The following MACROD2 variants were observed in gnomAD, a reference collection of about 807,000 sequenced individuals.
MACROD2 encodes mono-ADP ribosylhydrolase 2, also known as ADP-ribose glycohydrolase MACROD2.
MACROD2 carries 36 observed loss-of-function variants against 70.4 expected under a neutral mutation model. The observed-to-expected ratio is 0.51, with a 90% CI of 0.39 to 0.68. The LOEUF is 0.68. MACROD2 is among the 30% of genes least tolerant of loss of function. MACROD2 has a pLI of 0.00. For synonymous variants in MACROD2, 172 were observed against 178.8 expected (o/e 0.96, Z 0.30); for missense variants, 496 against 538.4 (o/e 0.92, Z 0.78).
At chr20:15,136,187 TC>T (rs2076146387) in intron 5 of MACROD2, among the ~76,000 whole-genome samples, 1 of 149,218 alleles carries the variant, frequency 6.7e-6, no homozygotes, top group Non-Finnish European at 1.5e-5. Context: ...CCAATGACTT[TC>T]TTCACAGAAT....
intron 6 of MACROD2, among the ~76,000 whole-genome samples, chr20:15,277,230 C>T (rs1316980170): frequency 6.6e-6 from 1 of 152,180 alleles, no homozygotes. Flanking sequence ...ACAGTTTCTT[C>T]CTATATGATT....
At chr20:15,815,235 C>T (rs112793206) in intron 8 of MACROD2, among the ~76,000 whole-genome samples, 12 of 152,218 alleles carry the variant, frequency 7.9e-5, no homozygotes, top group East Asian at 1.9e-4. Flanking sequence ...AAGTGCAGCA[C>T]GGTGAGAGCT....
chr20:14,185,289 A>G (rs914022455), intron 3 of MACROD2, among the ~76,000 whole-genome samples: 1 of 152,092 alleles, frequency 6.6e-6, no homozygotes, highest in African/African-American at 2.4e-5. Flanking sequence ...TAAAGTTTTT[A>G]TATGTTCTGA....
At chr20:15,798,211 A>T (rs1223697037) in intron 8 of MACROD2, among the ~76,000 whole-genome samples, 1 of 152,218 alleles carries the variant, frequency 6.6e-6, no homozygotes, top group East Asian at 1.9e-4. Context: ...ATGAAAGAGC[A>T]CAGTGGGGAT....
chr20:14,386,062 G>GCCATCAC (rs1939778077), intron 3 of MACROD2, among the ~76,000 whole-genome samples: 9 of 152,164 alleles, frequency 5.9e-5, no homozygotes, highest in Admixed American at 5.9e-4. Context: ...GAGGCCCTTT[G>GCCATCAC]TTAAATGCAC....
intron 5 of MACROD2, among the ~76,000 whole-genome samples, chr20:15,016,430 C>A (rs541119718): frequency 6.6e-6 from 1 of 152,224 alleles, no homozygotes; most frequent in African/African-American, 2.4e-5. Flanking sequence ...CCCTCCAAAT[C>A]TCATGTTGGA....
In MACROD2 at chr20:15,321,193, T is replaced by A. The variant is rs938649794; in HGVS notation, c.540+91132T>A. Among the ~76,000 whole-genome samples, 8 of 120,402 alleles carry A rather than the reference T, an allele frequency of 6.6e-5. 1 individual carries two copies. Among genetic ancestry groups the A allele is most frequent in the Non-Finnish European group, 1.6e-4 (8 of 50,208 alleles). The allele number at this position is 120,402 out of a possible 152,430, so 79.0% of individuals were successfully genotyped here. A position where few individuals can be genotyped will look rare whatever the true frequency, so the allele number is the denominator to read the frequency against. On this transcript the variant is annotated intron_variant, in intron 6 of 17. Transcript: ENST00000684519. ...AGTGAGCAGAATTCTTTCTGGACTCTGTTCCTGCTTGTTCTTTTTTTCTTT... is the reference window on the plus strand; with the variant it reads ...AGTGAGCAGAATTCTTTCTGGACTCAGTTCCTGCTTGTTCTTTTTTTCTTT...
At chr20:15,975,163 T>C (rs2066287347) in intron 13 of MACROD2, among the ~76,000 whole-genome samples, 1 of 152,154 alleles carries the variant, frequency 6.6e-6, no homozygotes, top group Non-Finnish European at 1.5e-5. Context: ...CCTATCTCTT[T>C]ATTATATAAA....
intron 5 of MACROD2, among the ~76,000 whole-genome samples, chr20:14,878,414 A>G (rs965545025): frequency 3.9e-5 from 6 of 152,120 alleles, no homozygotes; most frequent in African/African-American, 1.2e-4. Context: ...TTTTTTTGTT[A>G]GGGAGTCTAT....
rs528721793 is a variant in MACROD2, at chr20:15,956,596, G to C, written c.908-10957G>C. Among the ~76,000 whole-genome samples, 4 of 152,290 alleles carry C rather than the reference G, an allele frequency of 2.6e-5. No individual in the cohort carries two copies. The East Asian group carries it at 7.7e-4, about 29-fold the overall frequency. On this transcript the variant is annotated intron_variant, in intron 12 of 17. Transcript: ENST00000684519. ...TAGACACAAAAACGAAATGCATACAGATAGATACAAATTCAGTATATGCTA... is the reference window on the plus strand; with the variant it reads ...TAGACACAAAAACGAAATGCATACACATAGATACAAATTCAGTATATGCTA...
intron 3 of MACROD2, chr20:14,352,380 C>T (rs1330458024): frequency 6.6e-6 from 1 of 151,892 alleles, no homozygotes; most frequent in African/African-American, 2.4e-5. Context: ...TAGAATGGCC[C>T]CTGCACAAGG....
chr20:14,789,409 C>A (rs2072419068), intron 5 of MACROD2, among the ~76,000 whole-genome samples: 1 of 143,532 alleles, frequency 7.0e-6, no homozygotes, highest in African/African-American at 2.6e-5. Flanking sequence ...AAACGTAACG[C>A]CTGGAAAAAA....
intron 8 of MACROD2, among the ~76,000 whole-genome samples, chr20:15,765,538 T>G (rs2051508431): frequency 6.6e-6 from 1 of 152,240 alleles, no homozygotes; most frequent in Non-Finnish European, 1.5e-5. Flanking sequence ...AAATGATACA[T>G]GCAAATCTAT....
chr20:15,301,842 T>C (rs527849759), intron 6 of MACROD2, among the ~76,000 whole-genome samples: 1 of 152,292 alleles, frequency 6.6e-6, no homozygotes, highest in East Asian at 1.9e-4. Context: ...CCATCAGTTC[T>C]GGAACTTAGT....
intron 6 of MACROD2, among the ~76,000 whole-genome samples, chr20:15,241,762 CAAAAA>C (rs200361392): frequency 1.1e-5 from 1 of 92,612 alleles, no homozygotes; most frequent in African/African-American, 3.3e-5. Context: ...GTATTTCTCT[CAAAAA>C]AAAAAAAAAA....
chr20:15,918,798 T>C (rs2147283978), intron 10 of MACROD2, among the ~76,000 whole-genome samples: 1 of 152,330 alleles, frequency 6.6e-6, no homozygotes, highest in South Asian at 2.1e-4. Flanking sequence ...ACTGTTTCTG[T>C]CTACTGCTGC....
chr20:14,363,105 G>C (rs1237691199), intron 3 of MACROD2, among the ~76,000 whole-genome samples: 1 of 152,092 alleles, frequency 6.6e-6, no homozygotes, highest in East Asian at 1.9e-4. Flanking sequence ...TTCACCTGGG[G>C]TTTGGAGGCA....
At chr20:14,705,251 T>A (rs560654304) in intron 5 of MACROD2, among the ~76,000 whole-genome samples, 6 of 152,276 alleles carry the variant, frequency 3.9e-5, no homozygotes, top group African/African-American at 1.4e-4. Context: ...TCCGTTCGTC[T>A]CACCTACATT....
At chr20:14,483,801 CTTTTCTAGCCAAGT>C (rs1168538565) in intron 3 of MACROD2, among the ~76,000 whole-genome samples, 21 of 152,190 alleles carry the variant, frequency 1.4e-4, no homozygotes, top group Non-Finnish European at 2.8e-4. Flanking sequence ...TTACTCTAAT[CTTTTCTAGCCAAGT>C]TTTTCCTTTG....
Sources: gnomAD v4.1 joint callset for allele counts (sites outside exome capture counted in the v4.1 genomes callset) on GRCh38, gnomAD v4.1.1 for gene constraint, MANE v1.5 for transcripts, NCBI Gene and HGNC (gene_info 2026-07-23, HGNC 2026-07-21) for gene names.